Variants in ATF6 observed in about 807,000 individuals in gnomAD.
The protein encoded by ATF6 is cyclic AMP-dependent transcription factor ATF-6 alpha.
In ATF6, 53 loss-of-function variants were observed where a neutral mutation model predicts 83.6. That is an observed-to-expected ratio of 0.63 (90% CI 0.51 to 0.80). The LOEUF is 0.80. ATF6 is among the 30% of genes least tolerant of loss of function. The pLI is 0.00. For missense variants in ATF6, 744 were observed against 797.9 expected (o/e 0.93, Z 0.81); for synonymous variants, 288 against 285.8 (o/e 1.01, Z -0.08).
intron 6 of ATF6, among the ~76,000 whole-genome samples, chr1:161,795,505 A>T (rs922786933): frequency 2.6e-5 from 4 of 152,212 alleles, no homozygotes; most frequent in African/African-American, 9.6e-5. Context: ...TCACACACCG[A>T]TGCTGTTTCA....
chr1:161,856,722 T>C (rs199682243), intron 12 of ATF6, among the ~76,000 whole-genome samples: 1 of 112,316 alleles, frequency 8.9e-6, no homozygotes, highest in African/African-American at 3.6e-5. Context: ...CCCTAAATGC[T>C]TTTTTTTTGG....
intron 1 of ATF6, among the ~76,000 whole-genome samples, chr1:161,776,098 T>G (rs1261990586): frequency 1.3e-5 from 2 of 152,220 alleles, no homozygotes; most frequent in Admixed American, 6.5e-5. Flanking sequence ...CTTAAATCCT[T>G]TCTCAGACTG....
At chr1:161,871,187 C>T (rs1435359973) in intron 14 of ATF6, among the ~76,000 whole-genome samples, 1 of 151,600 alleles carries the variant, frequency 6.6e-6, no homozygotes, top group Non-Finnish European at 1.5e-5. Context: ...CAAAGGAGGA[C>T]ATTTTTCTCA....
At chr1:161,779,997 C>T (rs938813479) in intron 2 of ATF6, among the ~76,000 whole-genome samples, 1 of 152,122 alleles carries the variant, frequency 6.6e-6, no homozygotes, top group Admixed American at 6.5e-5. Flanking sequence ...CTCGGCCTCC[C>T]AAAGTGCTGG....
At chr1:161,855,723 C>A (rs1686742631) in intron 12 of ATF6, among the ~76,000 whole-genome samples, 1 of 152,002 alleles carries the variant, frequency 6.6e-6, no homozygotes, top group Non-Finnish European at 1.5e-5. Flanking sequence ...TAGTGGTGTC[C>A]CAAAATTCAA....
chr1:161,846,303 C>T, intron 9 of ATF6, 146 bp from the exon 10 acceptor site: 2 of 772,202 alleles, frequency 2.6e-6, no homozygotes, highest in Admixed American at 3.4e-5. Context: ...CCTTCAGTAC[C>T]CTATTTGTAC....
At chr1:161,896,719 A>G (rs1687683912) in intron 14 of ATF6, among the ~76,000 whole-genome samples, 1 of 152,342 alleles carries the variant, frequency 6.6e-6, no homozygotes, top group Middle Eastern at 3.4e-3. Flanking sequence ...ATGCAATAGT[A>G]TATTGGAAAA....
At chr1:161,913,055 A>G (rs1409893539) in intron 15 of ATF6, among the ~76,000 whole-genome samples, 1 of 152,308 alleles carries the variant, frequency 6.6e-6, no homozygotes, top group Non-Finnish European at 1.5e-5. Flanking sequence ...TTGATTCTTC[A>G]TGGAGAAGTG....
intron 15 of ATF6, among the ~76,000 whole-genome samples, chr1:161,917,397 C>A (rs1312697919): frequency 6.6e-6 from 1 of 150,984 alleles, no homozygotes; most frequent in East Asian, 1.9e-4. Flanking sequence ...CTTATATACA[C>A]AGTCTGAAGA....
chr1:161,861,302 A>G (rs1177011507), intron 13 of ATF6, among the ~76,000 whole-genome samples: 1 of 148,114 alleles, frequency 6.8e-6, no homozygotes, highest in Non-Finnish European at 1.5e-5. Flanking sequence ...AAAAATATAG[A>G]TAGATAGATA....
intron 9 of ATF6, among the ~76,000 whole-genome samples, chr1:161,834,164 T>C (rs1686149277): frequency 6.6e-6 from 1 of 152,142 alleles, no homozygotes; most frequent in Non-Finnish European, 1.5e-5. Flanking sequence ...CTAAGCTTCA[T>C]AAGTGAAGGA....
At chr1:161,810,302 C>T (rs1557972374) in intron 7 of ATF6, among the ~76,000 whole-genome samples, 1 of 152,122 alleles carries the variant, frequency 6.6e-6, no homozygotes, top group Admixed American at 6.6e-5. Context: ...GAAGCTGGCA[C>T]ATCTTACATG....
intron 7 of ATF6, among the ~76,000 whole-genome samples, chr1:161,804,222 T>G (rs1178910807): frequency 6.6e-6 from 1 of 152,120 alleles, no homozygotes; most frequent in Non-Finnish European, 1.5e-5. Flanking sequence ...ATATCCAAAG[T>G]TGCCTTTATG....
chr1:161,938,160 C>T (rs984452030), intron 15 of ATF6, among the ~76,000 whole-genome samples: 1 of 152,112 alleles, frequency 6.6e-6, no homozygotes, highest in Non-Finnish European at 1.5e-5. Context: ...ATCTACTGTT[C>T]GCCTGTCTGG....
intron 7 of ATF6, among the ~76,000 whole-genome samples, chr1:161,802,919 T>G (rs1034090624): frequency 1.3e-5 from 2 of 152,252 alleles, no homozygotes; most frequent in Non-Finnish European, 2.9e-5. Context: ...ACTCTTGCTT[T>G]CTTTCAAAAT....
chr1:161,873,167 A>AT (rs1687151431), intron 14 of ATF6, among the ~76,000 whole-genome samples: 1 of 151,648 alleles, frequency 6.6e-6, no homozygotes, highest in East Asian at 1.9e-4. Flanking sequence ...ATCAAATCAT[A>AT]TTTAAAGTAC....
chr1:161,950,248 TCA>T (rs1688834653), intron 15 of ATF6, among the ~76,000 whole-genome samples: 1 of 152,222 alleles, frequency 6.6e-6, no homozygotes, highest in Non-Finnish European at 1.5e-5. Context: ...AGAATTTAAT[TCA>T]GTGATTCCTT....
At chr1:161,851,868 A>C in intron 11 of ATF6, 33 bp downstream of exon 11, 1 of 1,529,694 alleles carries the variant, frequency 6.5e-7, no homozygotes, top group Non-Finnish European at 9.0e-7. Flanking sequence ...GAAACATCTG[A>C]GTTGGTTCCC....
chr1:161,884,900 A>T (rs1687389360), intron 14 of ATF6, among the ~76,000 whole-genome samples: 1 of 152,066 alleles, frequency 6.6e-6, no homozygotes, highest in Non-Finnish European at 1.5e-5. Flanking sequence ...GCTGGCGAAA[A>T]TTATTTAAAG....
Sources: allele counts gnomAD v4.1 joint callset (sites outside exome capture counted in the v4.1 genomes callset), GRCh38; gene constraint gnomAD v4.1.1; transcripts MANE v1.5; gene names NCBI Gene and HGNC (gene_info 2026-07-23, HGNC 2026-07-21).